PLXDC2: variants seen among roughly 807,000 people sequenced by gnomAD.
PLXDC2 encodes plexin domain containing 2, also known as plexin domain-containing protein 2.
PLXDC2 carries 40 observed loss-of-function variants against 68.9 expected under a neutral mutation model. That is an observed-to-expected ratio of 0.58 (90% CI 0.45 to 0.76). The LOEUF is 0.76. Among genes scored for constraint, PLXDC2 ranks in the 30% least tolerant of loss-of-function variants. The pLI is 0.00. For synonymous variants in PLXDC2, 243 were observed against 234.2 expected, an observed-to-expected ratio of 1.04 and a Z score of -0.34; for missense variants, 644 against 661.9, an observed-to-expected ratio of 0.97 and a Z score of 0.30.
At chr10:19,989,674 A>G (rs1049751687) in intron 1 of PLXDC2, among the ~76,000 whole-genome samples, 1 of 151,524 alleles carries the variant, frequency 6.6e-6, no homozygotes, top group African/African-American at 2.4e-5. Flanking sequence ...CTTTTTAATG[A>G]TTTATTTTTT....
chr10:19,995,845 G>A (rs1473450772), intron 1 of PLXDC2, among the ~76,000 whole-genome samples: 1 of 152,190 alleles, frequency 6.6e-6, no homozygotes, highest in Non-Finnish European at 1.5e-5. Flanking sequence ...ACAATATTGA[G>A]CTGAATCTTG....
At chr10:20,023,725 T>G (rs1181349432) in intron 2 of PLXDC2, among the ~76,000 whole-genome samples, 4 of 151,958 alleles carry the variant, frequency 2.6e-5, no homozygotes, top group African/African-American at 9.7e-5. Flanking sequence ...TAAGACAGTC[T>G]GCAATCCACA....
chr10:19,862,867 A>G (rs1230007639), intron 1 of PLXDC2, among the ~76,000 whole-genome samples: 1 of 152,156 alleles, frequency 6.6e-6, no homozygotes, highest in African/African-American at 2.4e-5. Flanking sequence ...TTCAGAATAT[A>G]GAAGTGTGGA....
chr10:20,207,350 T>A (rs1040023137), intron 9 of PLXDC2, among the ~76,000 whole-genome samples: 6 of 152,212 alleles, frequency 3.9e-5, no homozygotes, highest in Admixed American at 2.6e-4. Flanking sequence ...ATTTAATAAT[T>A]TAAAGGACTA....
intron 2 of PLXDC2, among the ~76,000 whole-genome samples, chr10:20,009,443 T>A (rs1835074729): frequency 1.3e-5 from 2 of 151,898 alleles, no homozygotes; most frequent in Non-Finnish European, 2.9e-5. Context: ...GGCTGCAAAA[T>A]CAGAAAATTG....
chr10:19,962,503 G>A (rs1199095123), intron 1 of PLXDC2, among the ~76,000 whole-genome samples: 1 of 141,384 alleles, frequency 7.1e-6, no homozygotes, highest in Non-Finnish European at 1.5e-5. Flanking sequence ...CCATTCTCCC[G>A]CCTCAGCCTC....
intron 1 of PLXDC2, among the ~76,000 whole-genome samples, chr10:19,944,674 G>A (rs1479640882): frequency 6.6e-6 from 1 of 152,168 alleles, no homozygotes; most frequent in Non-Finnish European, 1.5e-5. Flanking sequence ...TTGGTGGCCG[G>A]GTATGGTGGC....
chr10:20,279,067 G>A (rs180856240), intron 13 of PLXDC2, among the ~76,000 whole-genome samples: 15 of 152,230 alleles, frequency 9.9e-5, no homozygotes, highest in Admixed American at 9.2e-4. Flanking sequence ...ATAAGCTCAC[G>A]ATTGGCCACA....
At chr10:20,108,163 C>T (rs777739921) in intron 4 of PLXDC2, among the ~76,000 whole-genome samples, 5 of 152,164 alleles carry the variant, frequency 3.3e-5, no homozygotes, top group South Asian at 2.1e-4. Context: ...GGCAAGGCAA[C>T]ATTAGCAGTG....
At chr10:19,946,192 C>A (rs1478412466) in intron 1 of PLXDC2, among the ~76,000 whole-genome samples, 1 of 152,168 alleles carries the variant, frequency 6.6e-6, no homozygotes, top group Non-Finnish European at 1.5e-5. Flanking sequence ...TCCTCCTCTA[C>A]CTAATTCTAG....
At chr10:20,067,917 G>A (rs1217869201) in intron 3 of PLXDC2, among the ~76,000 whole-genome samples, 2 of 151,944 alleles carry the variant, frequency 1.3e-5, no homozygotes, top group African/African-American at 4.9e-5. Flanking sequence ...TCATCATCAA[G>A]AATGAACTGA....
At chr10:20,270,717 G>T (rs892432231) in intron 13 of PLXDC2, among the ~76,000 whole-genome samples, 2 of 151,926 alleles carry the variant, frequency 1.3e-5, no homozygotes, top group African/African-American at 4.8e-5. Flanking sequence ...GCTAATTTTT[G>T]TATTTTTAGT....
At chr10:20,066,042 G>A (rs1358617784) in intron 3 of PLXDC2, among the ~76,000 whole-genome samples, 1 of 152,224 alleles carries the variant, frequency 6.6e-6, no homozygotes, top group African/African-American at 2.4e-5. Flanking sequence ...AGTATCAGTA[G>A]CGACTGGCAA....
intron 4 of PLXDC2, among the ~76,000 whole-genome samples, chr10:20,128,957 A>G (rs149699420): frequency 6.6e-6 from 1 of 152,182 alleles, no homozygotes; most frequent in Non-Finnish European, 1.5e-5. Flanking sequence ...AAGTTCTGCT[A>G]TCCCTTGCAC....
At position 19,888,071 on chromosome 10, in the gene PLXDC2, G is replaced by A. The variant is rs956293369; in HGVS notation, c.112+70880G>A. On this transcript the variant is annotated intron_variant, in intron 1 of 13. Transcript: ENST00000377252. ...GACATGCAAGATGCTTTGGTGTTCAGCTGTGAGAAATTGTTAATGAATTTG... is the reference window on the plus strand; with the variant it reads ...GACATGCAAGATGCTTTGGTGTTCAACTGTGAGAAATTGTTAATGAATTTG... Among the ~76,000 whole-genome samples, 5 of 152,338 alleles carry A rather than the reference G, an allele frequency of 3.3e-5. No homozygotes were observed. In the East Asian group the frequency reaches 7.7e-4, roughly 23 times the overall value.
Position 20,001,931 on chromosome 10 carries a change from G to C in PLXDC2, c.269G>C (p.Arg90Thr). ...ASVGQDSPEP[R>T]SFTDLLLDDG... ...GTCGGCCAAGACTCTCCTGAGCCCA[G>C]AAGCTTCACAGACCTGCTGCTGGAT... Residue 90 changes from arginine (R) to threonine (T), a missense_variant, in exon 2 of 14, where the codon AGA becomes ACA. Around this residue, in one of 3 missense-constraint regions of PLXDC2, gnomAD observed 201 missense variants for 166.9 expected, o/e 1.20. Transcript: ENST00000377252. 1.2e-6 allele frequency: 2 copies of C among 1,613,246 alleles called. No individual in the cohort carries two copies. Among genetic ancestry groups the C allele is most frequent in the Non-Finnish European group, 1.7e-6 (2 of 1,179,974 alleles).
chr10:20,279,569 T>A, intron 13 of PLXDC2, 134 bp from the exon 14 acceptor site: 1 of 702,802 alleles, frequency 1.4e-6, no homozygotes, highest in Admixed American at 2.6e-5. Context: ...TAATTCTGAC[T>A]GTAGCTATAA....
intron 1 of PLXDC2, among the ~76,000 whole-genome samples, chr10:19,904,080 T>TGAG (rs1838203329): frequency 6.6e-6 from 1 of 152,168 alleles, no homozygotes; most frequent in South Asian, 2.1e-4. Flanking sequence ...TTAAATTTAC[T>TGAG]GAGGCTTGTT....
chr10:20,122,009 T>G (rs1833704150), intron 4 of PLXDC2, among the ~76,000 whole-genome samples: 1 of 151,656 alleles, frequency 6.6e-6, no homozygotes, highest in South Asian at 2.1e-4. Context: ...ACTTGTGGGT[T>G]AAGGTGGGGG....
Sources: gnomAD v4.1 joint callset for allele counts (sites outside exome capture counted in the v4.1 genomes callset) on GRCh38, gnomAD v4.1.1 for gene constraint, gnomAD v4.1.1 regional missense constraint, MANE v1.5 for transcripts, NCBI Gene and HGNC (gene_info 2026-07-23, HGNC 2026-07-21) for gene names.